The following ITSN1 variants were observed in gnomAD, a reference collection of about 807,000 sequenced individuals.
ITSN1 encodes intersectin 1, also known as intersectin-1.
Under a neutral mutation model 239.8 loss-of-function variants are expected in ITSN1, and 58 were observed. The observed-to-expected ratio is 0.24, with a 90% CI of 0.20 to 0.30. The LOEUF is 0.30. Ranked by LOEUF, ITSN1 falls within the 10% of genes least tolerant of loss-of-function variation. ITSN1 has a pLI of 1.00. For missense variants in ITSN1, 1,558 were observed against 2,103.3 expected (o/e 0.74, Z 5.07); for synonymous variants, 780 against 770.8 (o/e 1.01, Z -0.20).
Position 33,886,266 on chromosome 21 carries a change from G to A in ITSN1, c.4844-21G>A, listed in dbSNP as rs551976445. ...AAATGAGGTGTGAGTTCCACCTGGCGAAGGCTTTTGTTCCCTCCAGGAAAG... is the reference window on the plus strand; with the variant it reads ...AAATGAGGTGTGAGTTCCACCTGGCAAAGGCTTTTGTTCCCTCCAGGAAAG... On this transcript the variant is annotated intron_variant, in intron 38 of 39. Transcript: ENST00000381318. The A allele has an allele frequency of 1.6e-5, 26 of 1,596,322 alleles. No individual in the cohort carries two copies. In the East Asian group the frequency reaches 3.4e-4, roughly 21 times the overall value.
Position 33,774,967 on chromosome 21 carries a change from G to C in ITSN1, c.1456-1G>C. The C allele has an allele frequency of 6.2e-7, 1 of 1,610,418 alleles. No individual in the cohort carries two copies. Among genetic ancestry groups the C allele is most frequent in the Non-Finnish European group, 8.5e-7 (1 of 1,178,416 alleles). On this transcript the variant is annotated splice_acceptor_variant, in intron 13 of 39. Transcript: ENST00000381318. LOFTEE classifies it high-confidence loss of function. ...TTTTTATTATCTTTCATTTGTTCAA[G>C]AATGATAAAAAGCATCAACTAGAAG...
In ITSN1 at chr21:33,772,285, AGAGAGGAG is replaced by A; in HGVS notation, c.1278_1285del (p.Arg428AsnfsTer2). ...AAAGCAGCGGGAGCTAGAACGGCAG[AGAGAGGAG>A]GAGAGGAGGAAAGAAATTGAGAGGC... On this transcript the variant is annotated frameshift_variant, in exon 12 of 40. Transcript: ENST00000381318. LOFTEE classifies it high-confidence loss of function. 6.4e-7 allele frequency: 1 copy of A among 1,563,672 alleles called. No homozygotes were observed. The highest frequency in any genetic ancestry group is 8.7e-7 in the Non-Finnish European group (1 of 1,153,450).
intron 24 of ITSN1, among the ~76,000 whole-genome samples, chr21:33,822,420 A>G (rs1339572042): frequency 6.6e-6 from 1 of 152,104 alleles, no homozygotes; most frequent in African/African-American, 2.4e-5. Flanking sequence ...GTAAATGGTG[A>G]TTTTTCTGTT....
At chr21:33,670,324 T>A (rs1000174809) in intron 1 of ITSN1, among the ~76,000 whole-genome samples, 6 of 152,152 alleles carry the variant, frequency 3.9e-5, no homozygotes, top group Non-Finnish European at 7.3e-5. Flanking sequence ...CATGACACTC[T>A]AGCCTGGATT....
At chr21:33,888,068 T>G (rs771451199) in intron 39 of ITSN1, 84 bp from the exon 40 acceptor site, 106 of 1,406,142 alleles carry the variant, frequency 7.5e-5, no homozygotes, top group Non-Finnish European at 9.6e-5. Context: ...TAACAGTTCA[T>G]CAGGGGGTCC....
intron 1 of ITSN1, among the ~76,000 whole-genome samples, chr21:33,653,985 A>C (rs2088801383): frequency 6.6e-6 from 1 of 152,024 alleles, no homozygotes; most frequent in South Asian, 2.1e-4. Context: ...CTTCTAAAAC[A>C]GTGATGAATG....
At chr21:33,717,777 T>A (rs9982926) in intron 1 of ITSN1, among the ~76,000 whole-genome samples, 1 of 151,914 alleles carries the variant, frequency 6.6e-6, no homozygotes, top group East Asian at 1.9e-4. Context: ...CCGTGTTAGC[T>A]AGGATGGTCT....
At chr21:33,725,630 A>G (rs539708982) in intron 4 of ITSN1, among the ~76,000 whole-genome samples, 2 of 152,142 alleles carry the variant, frequency 1.3e-5, no homozygotes, top group Admixed American at 6.6e-5. Flanking sequence ...TTTCTAAACT[A>G]TTTTTACCTG....
At chr21:33,718,081 C>A (rs192161240) in intron 1 of ITSN1, among the ~76,000 whole-genome samples, 129 of 152,242 alleles carry the variant, frequency 8.5e-4, no homozygotes, top group African/African-American at 3.0e-3. Context: ...CGAATGATAT[C>A]GTGCTAATCA....
intron 8 of ITSN1, among the ~76,000 whole-genome samples, chr21:33,758,223 G>A (rs988672630): frequency 2.6e-5 from 4 of 152,010 alleles, no homozygotes; most frequent in Non-Finnish European, 5.9e-5. Context: ...TCCCAGGCTC[G>A]GGGGATCCTC....
chr21:33,745,792 C>T (rs1362649325), intron 5 of ITSN1, among the ~76,000 whole-genome samples: 2 of 152,114 alleles, frequency 1.3e-5, no homozygotes, highest in East Asian at 3.9e-4. Flanking sequence ...ATGGCCAGGG[C>T]AAGTATATTC....
intron 1 of ITSN1, among the ~76,000 whole-genome samples, chr21:33,681,326 A>G (rs549793206): frequency 1.2e-4 from 19 of 152,352 alleles, no homozygotes; most frequent in Admixed American, 4.6e-4. Flanking sequence ...GAGAACGAGA[A>G]TTAACTAGTT....
intron 19 of ITSN1, among the ~76,000 whole-genome samples, chr21:33,800,813 A>AT (rs888874720): frequency 1.6e-4 from 23 of 145,048 alleles, no homozygotes; most frequent in African/African-American, 4.1e-4. Flanking sequence ...GATAATTTAG[A>AT]TTTTTTTTTT....
chr21:33,854,317 T>C (rs1445249313), intron 29 of ITSN1, among the ~76,000 whole-genome samples: 1 of 152,196 alleles, frequency 6.6e-6, no homozygotes, highest in East Asian at 1.9e-4. Context: ...CTTTTAGAGC[T>C]ACCACTCTGT....
At chr21:33,691,562 T>C (rs926923749) in intron 1 of ITSN1, among the ~76,000 whole-genome samples, 4 of 152,176 alleles carry the variant, frequency 2.6e-5, no homozygotes, top group Non-Finnish European at 5.9e-5. Context: ...AATGGTAAAT[T>C]GCTAAGTGGA....
chr21:33,862,507 A>G (rs1223985933), intron 31 of ITSN1, among the ~76,000 whole-genome samples: 3 of 152,144 alleles, frequency 2.0e-5, no homozygotes, highest in Non-Finnish European at 4.4e-5. Context: ...GGAAGGAGAG[A>G]GGGCATGGAG....
chr21:33,648,216 A>G (rs1333998986), intron 1 of ITSN1, among the ~76,000 whole-genome samples: 1 of 152,228 alleles, frequency 6.6e-6, no homozygotes, highest in Non-Finnish European at 1.5e-5. Context: ...AATCTTGTGC[A>G]TGGGTAATAG....
chr21:33,735,624 A>G (rs2066451585), intron 5 of ITSN1: 1 of 216,672 alleles, frequency 4.6e-6, no homozygotes, highest in African/African-American at 2.4e-5. Context: ...ATTTTGAATC[A>G]CAGTACTGAG....
chr21:33,692,208 G>A (rs2091579794), intron 1 of ITSN1, among the ~76,000 whole-genome samples: 1 of 152,192 alleles, frequency 6.6e-6, no homozygotes, highest in Non-Finnish European at 1.5e-5. Flanking sequence ...TCACTGTTAG[G>A]AGCCTTTTAA....
Sources: gnomAD v4.1 joint callset for allele counts (sites outside exome capture counted in the v4.1 genomes callset) on GRCh38, gnomAD v4.1.1 for gene constraint, MANE v1.5 for transcripts, NCBI Gene and HGNC (gene_info 2026-07-23, HGNC 2026-07-21) for gene names.